The following IPCEF1 variants were observed in gnomAD, a reference collection of about 807,000 sequenced individuals.
IPCEF1 encodes the protein interaction protein for cytohesin exchange factors 1.
A neutral mutation model predicts 50.9 loss-of-function variants in IPCEF1; 31 were observed. That is an observed-to-expected ratio of 0.61 (90% confidence interval 0.46 to 0.82). The LOEUF (loss-of-function observed/expected upper bound fraction) is 0.82, where lower values mean the gene tolerates loss of function less well. Ranked by LOEUF, IPCEF1 falls within the 40% of genes least tolerant of loss-of-function variation. The probability of loss-of-function intolerance (pLI) is 0.00; values close to 1 mark genes in which losing one functional copy is unlikely to be tolerated. For synonymous variants in IPCEF1, 181 were observed against 192.0 expected, an observed-to-expected ratio of 0.94 and a Z score of 0.47; for missense variants, 458 against 514.0, an observed-to-expected ratio of 0.89 and a Z score of 1.05.
chr6:154,347,954 T>C (rs991643678), intron 1 of IPCEF1, among the ~76,000 whole-genome samples: 1 of 152,132 alleles, frequency 6.6e-6, no homozygotes, highest in East Asian at 1.9e-4. Context: ...CTACACCCCA[T>C]GTCTAGGACC....
intron 10 of IPCEF1, among the ~76,000 whole-genome samples, chr6:154,184,285 T>A (rs918060998): frequency 1.1e-4 from 17 of 152,118 alleles, no homozygotes; most frequent in African/African-American, 4.1e-4. Flanking sequence ...TGTAACACTC[T>A]GTAATAATAA....
intron 1 of IPCEF1, among the ~76,000 whole-genome samples, chr6:154,352,487 G>T (rs1450545651): frequency 5.9e-5 from 9 of 152,128 alleles, no homozygotes; most frequent in Admixed American, 5.2e-4. Flanking sequence ...GTAACTTTGG[G>T]CTGAGTTTAA....
chr6:154,212,495 C>T (rs1017410648), intron 9 of IPCEF1, among the ~76,000 whole-genome samples: 2 of 152,240 alleles, frequency 1.3e-5, no homozygotes, highest in Admixed American at 6.5e-5. Flanking sequence ...TTTGCAAGCA[C>T]TGGCCTGTCA....
intron 9 of IPCEF1, among the ~76,000 whole-genome samples, chr6:154,203,069 T>C (rs1777201149): frequency 6.6e-6 from 1 of 152,230 alleles, no homozygotes; most frequent in Non-Finnish European, 1.5e-5. Context: ...GCATGGCTCA[T>C]TATTTCTAAC....
rs149844497 is a variant in IPCEF1, at chr6:154,283,165, G to A, written c.-18+6548C>T. On this transcript the variant is annotated intron_variant, in intron 2 of 11. Transcript: ENST00000367220. ...AAAAAAATTAGCCAGGCATGGTGGC[G>A]CAGGCCTATAATCCTACTCAGGAGG... Among the ~76,000 whole-genome samples the A allele has an allele frequency of 7.7e-3, 1,171 of 151,532 alleles. 20 individuals are homozygous for A. Among genetic ancestry groups the A allele is most frequent in the African/African-American group, 0.025 (1,013 of 41,246 alleles).
At chr6:154,336,101 T>C (rs1271406842) in intron 1 of IPCEF1, among the ~76,000 whole-genome samples, 3 of 152,096 alleles carry the variant, frequency 2.0e-5, no homozygotes, top group Non-Finnish European at 4.4e-5. Flanking sequence ...CTGTGGAAAA[T>C]AGTATGAAGA....
chr6:154,228,307 A>T (rs1367307886), intron 5 of IPCEF1, among the ~76,000 whole-genome samples: 1 of 135,828 alleles, frequency 7.4e-6, no homozygotes, highest in East Asian at 2.9e-4. Flanking sequence ...CTCTGTTTAA[A>T]AAAAAAAAAA....
intron 10 of IPCEF1, among the ~76,000 whole-genome samples, chr6:154,179,498 C>T (rs150703682): frequency 5.3e-5 from 8 of 152,232 alleles, no homozygotes; most frequent in Admixed American, 2.0e-4. Flanking sequence ...TAATTATTTC[C>T]GCCCCCCCTT....
intron 5 of IPCEF1, among the ~76,000 whole-genome samples, chr6:154,239,965 G>A (rs1452967988): frequency 1.3e-5 from 2 of 152,216 alleles, no homozygotes; most frequent in Non-Finnish European, 2.9e-5. Flanking sequence ...GCCACCCAAA[G>A]TGCTGGGACT....
intron 2 of IPCEF1, among the ~76,000 whole-genome samples, chr6:154,267,121 T>A (rs1781776380): frequency 7.6e-6 from 1 of 132,106 alleles, no homozygotes; most frequent in African/African-American, 2.9e-5. Context: ...TAAATTTACT[T>A]AATTTTAACT....
At chr6:154,328,658 TTCTC>T (rs1280183794) in intron 1 of IPCEF1, among the ~76,000 whole-genome samples, 1 of 152,164 alleles carries the variant, frequency 6.6e-6, no homozygotes, top group Non-Finnish European at 1.5e-5. Flanking sequence ...TTTTTAATCT[TTCTC>T]TCTCTCCTCT....
intron 3 of IPCEF1, among the ~76,000 whole-genome samples, chr6:154,252,044 C>T (rs1194821131): frequency 6.6e-6 from 1 of 152,134 alleles, no homozygotes; most frequent in Non-Finnish European, 1.5e-5. Context: ...AGTGGAAATA[C>T]TTGGTATACA....
intron 2 of IPCEF1, among the ~76,000 whole-genome samples, chr6:154,279,953 A>C (rs1782165445): frequency 6.6e-6 from 1 of 152,218 alleles, no homozygotes; most frequent in East Asian, 1.9e-4. Flanking sequence ...TGTTAATGTT[A>C]ATGTTAATCC....
At chr6:154,246,454 C>CTT in intron 5 of IPCEF1, 137 bp downstream of exon 5, 1 of 1,014,846 alleles carries the variant, frequency 9.9e-7, no homozygotes, top group Non-Finnish European at 1.4e-6. Context: ...CCAGAAATGG[C>CTT]TTCTATAACT....
intron 10 of IPCEF1, among the ~76,000 whole-genome samples, chr6:154,184,252 G>T (rs1173955282): frequency 7.9e-5 from 12 of 151,968 alleles, no homozygotes; most frequent in African/African-American, 2.9e-4. Flanking sequence ...GGCATATAAA[G>T]TGATACATAT....
intron 5 of IPCEF1, among the ~76,000 whole-genome samples, chr6:154,225,516 T>C (rs927201428): frequency 6.6e-6 from 1 of 152,216 alleles, no homozygotes; most frequent in Non-Finnish European, 1.5e-5. Flanking sequence ...TATGATTCAA[T>C]TTATATGAAA....
intron 1 of IPCEF1, among the ~76,000 whole-genome samples, chr6:154,312,507 C>T (rs987538739): frequency 7.9e-5 from 12 of 151,940 alleles, no homozygotes; most frequent in East Asian, 5.8e-4. Flanking sequence ...CCACCACACC[C>T]GGCTAATTTT....
chr6:154,270,192 A>G (rs1004926478), intron 2 of IPCEF1, among the ~76,000 whole-genome samples: 2 of 152,256 alleles, frequency 1.3e-5, no homozygotes, highest in Non-Finnish European at 2.9e-5. Flanking sequence ...ACACTTTTGT[A>G]TATCAAGAGG....
intron 11 of IPCEF1, among the ~76,000 whole-genome samples, chr6:154,165,271 G>A (rs552929955): frequency 1.3e-5 from 2 of 152,166 alleles, no homozygotes; most frequent in African/African-American, 4.8e-5. Flanking sequence ...GCACTCAGAA[G>A]CTCCATTCAC....
Sources: gnomAD v4.1 joint callset for allele counts (sites outside exome capture counted in the v4.1 genomes callset) on GRCh38, gnomAD v4.1.1 for gene constraint, MANE v1.5 for transcripts, NCBI Gene and HGNC (gene_info 2026-07-23, HGNC 2026-07-21) for gene names.